Variants in NOL4 observed in about 807,000 individuals in gnomAD.
NOL4 encodes the protein cancer/testis antigen 125.
NOL4 carries 17 observed loss-of-function variants against 75.9 expected under a neutral mutation model. That is an observed-to-expected ratio of 0.22 (90% confidence interval 0.15 to 0.34). The LOEUF (loss-of-function observed/expected upper bound fraction) is 0.34, where lower values mean the gene tolerates loss of function less well. Among genes scored for constraint, NOL4 ranks in the 10% least tolerant of loss-of-function variants. The pLI, the probability that NOL4 is intolerant of heterozygous loss-of-function variation, is 1.00. For synonymous variants in NOL4, 292 were observed against 289.9 expected (o/e 1.01, Z -0.07); for missense variants, 614 against 793.5 (o/e 0.77, Z 2.72).
At chr18:34,026,568 AATGG>A (rs2075353591) in intron 5 of NOL4, among the ~76,000 whole-genome samples, 1 of 152,102 alleles carries the variant, frequency 6.6e-6, no homozygotes, top group African/African-American at 2.4e-5. Context: ...AAATTTTCCT[AATGG>A]ATGTCATGGA....
Position 34,223,842 on chromosome 18 carries a change from T to G in NOL4, c.-589A>C, listed in dbSNP as rs2146664703. Reference sequence around the variant, plus strand: ...ACACGGGTCCCGGATCTCTCCTTCCTCCTGGGTCCTGCTTTGACCTTCCCC... The same window carrying G: ...ACACGGGTCCCGGATCTCTCCTTCCGCCTGGGTCCTGCTTTGACCTTCCCC... On this transcript the variant is annotated 5_prime_UTR_variant, in exon 1 of 11. Transcript: ENST00000261592. 1 of 153,608 alleles carries G rather than the reference T, an allele frequency of 6.5e-6. No homozygotes were observed. The highest frequency in any genetic ancestry group is 2.1e-4 in the South Asian group (1 of 4,870). The allele number at this position is 153,608 out of a possible 1,614,324, so 9.5% of individuals were successfully genotyped here.
At position 34,223,285 on chromosome 18, in the gene NOL4, C is replaced by A; in HGVS notation, c.-32G>T. 1 of 1,607,354 alleles carries A rather than the reference C, an allele frequency of 6.2e-7. No individual in the cohort carries two copies. The highest frequency in any genetic ancestry group is 2.2e-5 in the East Asian group (1 of 44,800). ...CGCGCTCGGCCGCTGGCCGGATGCTCCCAGCGCACTTCGCACCTGTTCACC... is the reference window on the plus strand; with the variant it reads ...CGCGCTCGGCCGCTGGCCGGATGCTACCAGCGCACTTCGCACCTGTTCACC... On this transcript the variant is annotated 5_prime_UTR_variant, in exon 1 of 11. Transcript: ENST00000261592.
rs34689802 is a variant in NOL4 at position 34,125,967 on chromosome 18, C to CAA, written c.414+3902_414+3903dup. 8.7e-3 allele frequency among the ~76,000 whole-genome samples: 1,236 copies of CAA among 142,632 alleles called. 2 individuals are homozygous for CAA. The highest frequency in any genetic ancestry group is 0.032 in the Middle Eastern group (9 of 284). The allele number at this position is 142,632 out of a possible 152,430, so 93.6% of individuals were successfully genotyped here. ...GGATAGTGACATCTACAGGATGCAC[C>CAA]AAAAAAAAAAAAATGCCTGCATGAG... On this transcript the variant is annotated intron_variant, in intron 2 of 10. Coordinates refer to ENST00000261592, the MANE Select transcript of NOL4 (RefSeq NM_003787.5).
intron 6 of NOL4, among the ~76,000 whole-genome samples, chr18:33,970,896 G>A (rs2071003252): frequency 6.6e-6 from 1 of 152,080 alleles, no homozygotes; most frequent in Admixed American, 6.6e-5. Context: ...AAGAGTGTTA[G>A]GTGTTCTCGG....
At position 33,975,952 on chromosome 18, in the gene NOL4, A is replaced by AGG. The variant is rs916263386; in HGVS notation, c.1057-17535_1057-17534insCC. Among the ~76,000 whole-genome samples the AGG allele has an allele frequency of 1.1e-4, 17 of 152,296 alleles. No individual in the cohort carries two copies. The South Asian group carries it at 1.2e-3, about 11-fold the overall frequency. On this transcript the variant is annotated intron_variant, in intron 6 of 10. Coordinates refer to ENST00000261592, the MANE Select transcript of NOL4 (RefSeq NM_003787.5). ...CACAGCTGTCATGGATTTTTGCTGA[A>AGG]CACAAAACTTTTTATTCTGATGAAT...
chr18:33,978,138 C>A (rs2071650622), intron 6 of NOL4, among the ~76,000 whole-genome samples: 1 of 152,206 alleles, frequency 6.6e-6, no homozygotes, highest in African/African-American at 2.4e-5. Flanking sequence ...TGGCCGCTAT[C>A]TGCCAAACTG....
At chr18:34,169,699 G>A (rs2032826161) in intron 1 of NOL4, among the ~76,000 whole-genome samples, 1 of 152,020 alleles carries the variant, frequency 6.6e-6, no homozygotes, top group South Asian at 2.1e-4. Flanking sequence ...TGGAATACAA[G>A]GTTGGTTTAA....
chr18:33,883,052 G>T (rs1484181380), intron 10 of NOL4, among the ~76,000 whole-genome samples, 192 bp downstream of exon 10: 3 of 151,812 alleles, frequency 2.0e-5, no homozygotes, highest in Admixed American at 6.6e-5. Context: ...TCTGGGGACT[G>T]TTGTGGGGTG....
intron 6 of NOL4, among the ~76,000 whole-genome samples, chr18:34,010,564 ATGCATGGCAGTGGGGT>A (rs2074314576): frequency 6.6e-6 from 1 of 151,904 alleles, no homozygotes; most frequent in Admixed American, 6.6e-5. Flanking sequence ...TTATTTACAA[ATGCATGGCAGTGGGGT>A]TGCTGAAATA....
chr18:34,028,679 G>A (rs2075476673), intron 5 of NOL4, among the ~76,000 whole-genome samples: 1 of 152,166 alleles, frequency 6.6e-6, no homozygotes, highest in South Asian at 2.1e-4. Context: ...AACCACCAGT[G>A]AATTTAGAAA....
At chr18:34,199,801 C>A (rs550429180) in intron 1 of NOL4, among the ~76,000 whole-genome samples, 11 of 151,904 alleles carry the variant, frequency 7.2e-5, no homozygotes, top group African/African-American at 2.6e-4. Flanking sequence ...GGGATTTCTA[C>A]AATCAGAAAG....
At chr18:34,196,940 CCT>C (rs539999174) in intron 1 of NOL4, among the ~76,000 whole-genome samples, 1,604 of 152,010 alleles carry the variant, frequency 0.011, 14 homozygotes, top group Non-Finnish European at 0.018. Context: ...GAAATACATT[CCT>C]GTTGATTTTG....
Position 34,140,870 on chromosome 18 carries a change from G to A in NOL4, c.265-10850C>T, listed in dbSNP as rs556187432. On this transcript the variant is annotated intron_variant, in intron 1 of 10. Transcript: ENST00000261592. ...TCCTTCAGGAGCTCTTGTAGGGCAGGCCTCATGGTGACAAAATCTCTCAGC... is the reference window on the plus strand; with the variant it reads ...TCCTTCAGGAGCTCTTGTAGGGCAGACCTCATGGTGACAAAATCTCTCAGC... Among the ~76,000 whole-genome samples, 4 of 152,112 alleles carry A rather than the reference G, an allele frequency of 2.6e-5. No homozygotes were observed. In the East Asian group the frequency reaches 5.8e-4, roughly 22 times the overall value.
At position 34,119,297 on chromosome 18, in the gene NOL4, C is replaced by T. The variant is rs193136957; in HGVS notation, c.414+10574G>A. Among the ~76,000 whole-genome samples the T allele has an allele frequency of 5.0e-3, 765 of 152,202 alleles. 5 individuals carry two copies. Among genetic ancestry groups the T allele is most frequent in the Non-Finnish European group, 8.1e-3 (551 of 68,004 alleles). ...GTTAAAGACCAGAAGAATTCCTGTG[C>T]CTAAATGATGTTTCCAATAGCAAAA... On this transcript the variant is annotated intron_variant, in intron 2 of 10. Transcript: ENST00000261592.
chr18:34,057,980 G>T (rs1236923122), intron 5 of NOL4, among the ~76,000 whole-genome samples: 1 of 152,034 alleles, frequency 6.6e-6, no homozygotes, highest in Non-Finnish European at 1.5e-5. Context: ...TAATTTTCCA[G>T]TTATTTTTTC....
At position 34,223,556 on chromosome 18, in the gene NOL4, A is replaced by C; in HGVS notation, c.-303T>G. ...ATTTTGTGACCAGGACCATCCCAAC[A>C]CCATTCTGGCCCAGAGGAGCTGGGT... On this transcript the variant is annotated 5_prime_UTR_variant, in exon 1 of 11. Transcript: ENST00000261592. The C allele has an allele frequency of 2.4e-6, 1 of 420,742 alleles. No individual in the cohort carries two copies. The highest frequency in any genetic ancestry group is 4.2e-6 in the Non-Finnish European group (1 of 235,456). The allele number at this position is 420,742 out of a possible 1,614,324, so 26.1% of individuals were successfully genotyped here.
intron 5 of NOL4, among the ~76,000 whole-genome samples, chr18:34,026,827 T>TA (rs2075366897): frequency 6.6e-6 from 1 of 152,160 alleles, no homozygotes; most frequent in Non-Finnish European, 1.5e-5. Flanking sequence ...ATCGACATCT[T>TA]AAAGAATGAA....
chr18:34,002,780 C>T lies in NOL4; in HGVS notation c.1056+16538G>A, dbSNP rs1263982765. ...TGCAATACTCATACCAATTAAGTCC[C>T]CATTTACTTTCTTATTTATGAAAAA... On this transcript the variant is annotated intron_variant, in intron 6 of 10. Transcript: ENST00000261592. Among the ~76,000 whole-genome samples the T allele has an allele frequency of 2.0e-5, 3 of 151,956 alleles. No individual in the cohort carries two copies. The East Asian group carries it at 5.8e-4, about 29-fold the overall frequency.
chr18:34,053,543 T>C (rs1056391592), intron 5 of NOL4, among the ~76,000 whole-genome samples: 13 of 151,980 alleles, frequency 8.6e-5, no homozygotes, highest in African/African-American at 2.9e-4. Context: ...TGCCCCCTTA[T>C]CTGCTGGAAG....
Sources: allele counts gnomAD v4.1 joint callset (sites outside exome capture counted in the v4.1 genomes callset), GRCh38; gene constraint gnomAD v4.1.1; transcripts MANE v1.5; gene names NCBI Gene and HGNC (gene_info 2026-07-23, HGNC 2026-07-21).